Variants in INCENP observed in about 807,000 individuals in gnomAD.
The protein encoded by INCENP is binds and activates aurora-B and -C in vivo and in vitro.
INCENP carries 43 observed loss-of-function variants against 107.3 expected under a neutral mutation model. The observed-to-expected ratio is 0.40, with a 90% CI of 0.31 to 0.52. The LOEUF (loss-of-function observed/expected upper bound fraction) is 0.52, where lower values mean the gene tolerates loss of function less well. Among genes scored for constraint, INCENP ranks in the 20% least tolerant of loss-of-function variants. INCENP has a pLI of 0.53. For synonymous variants in INCENP, 488 were observed against 494.4 expected, an observed-to-expected ratio of 0.99 and a Z score of 0.17; for missense variants, 1,089 against 1,250.9, an observed-to-expected ratio of 0.87 and a Z score of 1.95.
At chr11:62,133,378 G>C (rs1321678007) in intron 4 of INCENP, among the ~76,000 whole-genome samples, 1 of 152,230 alleles carries the variant, frequency 6.6e-6, no homozygotes, top group Non-Finnish European at 1.5e-5. Flanking sequence ...GTGGCCCCGG[G>C]GCGTGGAACT....
intron 13 of INCENP, 88 bp downstream of exon 13, chr11:62,145,377 A>C: frequency 6.4e-7 from 1 of 1,571,456 alleles, no homozygotes. Flanking sequence ...CAGATTTGTC[A>C]CTGTACCCCT....
At position 62,129,599 on chromosome 11, in the gene INCENP, T is replaced by C. The variant is rs546471252; in HGVS notation, c.255-183T>C. ...ATCCCCAATTTACAGTTAGGAAGAC[T>C]GCGGCTCAGACAAGAATGGCCTGGG... is the stretch of plus-strand genomic sequence containing the variant. On this transcript the variant is annotated intron_variant, in intron 3 of 18. Coordinates refer to ENST00000394818, the MANE Select transcript of INCENP (RefSeq NM_001040694.2). Among the ~76,000 whole-genome samples the C allele has an allele frequency of 2.6e-5, 4 of 152,312 alleles. No individual in the cohort carries two copies. In the East Asian group the frequency reaches 7.7e-4, roughly 29 times the overall value.
In INCENP at chr11:62,130,200, G is replaced by A; in HGVS notation, c.673G>A (p.Ala225Thr). 1 of 1,613,898 alleles carries A rather than the reference G, an allele frequency of 6.2e-7. No homozygotes were observed. The highest frequency in any genetic ancestry group is 8.5e-7 in the Non-Finnish European group (1 of 1,180,014). The change falls in exon 4 of 19, where the codon GCC (alanine) becomes ACC (threonine). Residue 225 changes from alanine (A) to threonine (T), a missense_variant. Physicochemically the swap from Ala to Thr is moderately conservative, Grantham distance 58. Coordinates refer to ENST00000394818, the MANE Select transcript of INCENP (RefSeq NM_001040694.2). ...GGAATCAACACCTAAGAAGTCGAAG[G>A]CCAGGATACTGGAGTCCATCACAGT... is the stretch of plus-strand genomic sequence containing the variant. ...DEESTPKKSK[A>T]RILESITVSS...
At chr11:62,141,367 G>A in intron 10 of INCENP, 133 bp from the exon 11 acceptor site, 2 of 1,141,732 alleles carry the variant, frequency 1.8e-6, no homozygotes, top group South Asian at 1.3e-5. Context: ...TGACAGGAGA[G>A]GCGGTGGGGG....
intron 8 of INCENP, among the ~76,000 whole-genome samples, chr11:62,140,494 C>T (rs551076181): frequency 3.3e-5 from 5 of 152,322 alleles, no homozygotes; most frequent in Admixed American, 2.0e-4. Flanking sequence ...TTGTTGACCC[C>T]GTCTTAGTGT....
chr11:62,138,047 G>A, intron 5 of INCENP, 164 bp downstream of exon 5: 1 of 664,144 alleles, frequency 1.5e-6, no homozygotes, highest in Admixed American at 2.3e-5. Context: ...AGTGAGTGAT[G>A]TGGGTGTTGG....
At position 62,140,954 on chromosome 11, in the gene INCENP, G is replaced by T. The variant is rs1265240012; in HGVS notation, c.1503G>T (p.Arg501Ser). The change falls in exon 10 of 19, where the codon AGG becomes AGT. Residue 501 changes from arginine (R) to serine (S), a missense_variant. Arg to Ser is a moderately radical substitution (Grantham distance 110). Coordinates refer to ENST00000394818, the MANE Select transcript of INCENP (RefSeq NM_001040694.2). ...GGACCTTTCTGCACACAGTGCAGAG[G>T]AACCAGATGCTCATGACCCCGACCT... is the stretch of plus-strand genomic sequence containing the variant. ...PLRTFLHTVQ[R>S]NQMLMTPTSA... The T allele has an allele frequency of 6.2e-7, 1 of 1,614,208 alleles. No individual in the cohort carries two copies. The highest frequency in any genetic ancestry group is 8.5e-7 in the Non-Finnish European group (1 of 1,180,014).
At chr11:62,141,310 G>A (rs542877387) in intron 10 of INCENP, among the ~76,000 whole-genome samples, 190 bp from the exon 11 acceptor site, 1 of 152,276 alleles carries the variant, frequency 6.6e-6, no homozygotes, top group African/African-American at 2.4e-5. Flanking sequence ...GTGTAGTTAA[G>A]GTGAGAGGTA....
At position 62,128,170 on chromosome 11, in the gene INCENP, G is replaced by A. The variant is rs750181207; in HGVS notation, c.9G>A (p.Thr3=). 4.3e-6 allele frequency: 7 copies of A among 1,614,116 alleles called. No individual in the cohort carries two copies. Among genetic ancestry groups the A allele is most frequent in the African/African-American group, 1.3e-5 (1 of 75,038 alleles). The part of the protein sequence containing the change: MG[T]TAPGPIHLLE... ...CACCAGACAGAGCCACCATGGGGAC[G>A]ACGGCCCCAGGGCCCATTCACCTGC... The change falls in exon 2 of 19, where the codon ACG becomes ACA. Residue 3 remains threonine (T), a synonymous_variant. Transcript: ENST00000394818.
In INCENP at chr11:62,150,170, G is replaced by C. The variant is rs1944343983; in HGVS notation, c.2505G>C (p.Glu835Asp). The C allele has an allele frequency of 6.2e-7, 1 of 1,613,922 alleles. No homozygotes were observed. Among genetic ancestry groups the C allele is most frequent in the South Asian group, 1.1e-5 (1 of 91,082 alleles). ...DLNSDDSTDD[E>D]AHPRKPIPTW... ...ATAGCGACGACTCCACCGATGATGA[G>C]GCCCATCCCCGGAAGCCCATCCCCA... The change falls in exon 18 of 19, where the codon GAG (glutamate) becomes GAC (aspartate). Residue 835 changes from glutamate (E) to aspartate (D), a missense_variant. By Grantham distance (45) the Glu-to-Asp change is conservative (BLOSUM62 2). Transcript: ENST00000394818.
chr11:62,144,062 T>C (rs1003125212), intron 11 of INCENP, among the ~76,000 whole-genome samples: 3 of 152,222 alleles, frequency 2.0e-5, no homozygotes, highest in South Asian at 2.1e-4. Context: ...CTGGGTGTGG[T>C]AGCTCACACC....
chr11:62,132,873 T>A (rs1299726751), intron 4 of INCENP, among the ~76,000 whole-genome samples: 1 of 152,194 alleles, frequency 6.6e-6, no homozygotes. Context: ...CTGGGTGACC[T>A]TGGGCACACC....
rs889951825 is a variant in INCENP, at chr11:62,141,035, G to A, written c.1584G>A (p.Met528Ile). ...TTAAGCGCAACACTCCCCTGCGCAT[G>A]GACCCCAAGGTGAGGGGCCTGTGCC... is the stretch of plus-strand genomic sequence containing the variant. ...SFIKRNTPLR[M>I]DPKCSFVEKE... The change falls in exon 10 of 19, where the codon ATG becomes ATA. Residue 528 changes from methionine to isoleucine, a missense_variant. By Grantham distance (10) the Met-to-Ile change is conservative. Transcript: ENST00000394818. 5.0e-6 allele frequency: 8 copies of A among 1,613,422 alleles called. No homozygotes were observed. The Middle Eastern group carries it at 6.6e-4, about 133-fold the overall frequency.
chr11:62,148,562 G>A lies in INCENP; in HGVS notation c.2283+8G>A, dbSNP rs747910242. ...GAGGAGAAGAAGAAGAAGGTGAGGG[G>A]AGCTGGGTTGCGGGCTCCCCTGGGG... is the stretch of plus-strand genomic sequence containing the variant. On this transcript the variant is annotated splice_region_variant and intron_variant, in intron 16 of 18. Coordinates refer to ENST00000394818, the MANE Select transcript of INCENP (RefSeq NM_001040694.2). 12 of 1,599,712 alleles carry A rather than the reference G, an allele frequency of 7.5e-6. No homozygotes were observed. The East Asian group carries it at 2.5e-4, about 33-fold the overall frequency.
At position 62,145,269 on chromosome 11, in the gene INCENP, A is replaced by G. The variant is rs1010221443; in HGVS notation, c.1816A>G (p.Ile606Val). 1 of 1,614,032 alleles carries G rather than the reference A, an allele frequency of 6.2e-7. No individual in the cohort carries two copies. The highest frequency in any genetic ancestry group is 1.3e-5 in the African/African-American group (1 of 75,074). Residue 606 changes from isoleucine (I) to valine (V), a missense_variant, in exon 13 of 19, where the codon ATC becomes GTC. Transcript: ENST00000394818. Reference sequence around the variant, plus strand: ...GCAGATTGAGCAGAAGTTTGCTCAGATCGACGAGAAGACTGAGAAGGTGGG... The same window carrying G: ...GCAGATTGAGCAGAAGTTTGCTCAGGTCGACGAGAAGACTGAGAAGGTGGG... ...KKQIEQKFAQ[I>V]DEKTEKAKEE... is the part of the protein sequence containing the mutation.
At position 62,130,048 on chromosome 11, in the gene INCENP, G is replaced by T. The variant is rs1270537810; in HGVS notation, c.521G>T (p.Ser174Ile). The T allele has an allele frequency of 6.2e-7, 1 of 1,613,904 alleles. No homozygotes were observed. The highest frequency in any genetic ancestry group is 8.5e-7 in the Non-Finnish European group (1 of 1,180,026). ...GTGCCTGTGGTGGAGATCGGCATCA[G>T]TGAGCGCCAGAATGCTGAGCAGCAT... is the stretch of plus-strand genomic sequence containing the variant. Reference protein sequence around the residue: ...QLVPVVEIGISERQNAEQHVT... With the variant: ...QLVPVVEIGIIERQNAEQHVT... Residue 174 changes from serine to isoleucine, a missense_variant, in exon 4 of 19, where the codon AGT (serine) becomes ATT (isoleucine). Transcript: ENST00000394818.
At chr11:62,136,354 G>A (rs1943993682) in intron 4 of INCENP, among the ~76,000 whole-genome samples, 2 of 152,188 alleles carry the variant, frequency 1.3e-5, no homozygotes, top group South Asian at 4.1e-4. Flanking sequence ...ACACAGAAGA[G>A]TAGAATGGCA....
chr11:62,148,311 C>G (rs146422010), intron 15 of INCENP, among the ~76,000 whole-genome samples, 165 bp from the exon 16 acceptor site: 2 of 152,192 alleles, frequency 1.3e-5, no homozygotes, highest in African/African-American at 4.8e-5. Context: ...CTTCTAGCCC[C>G]GGGGCAAAAG....
In INCENP at chr11:62,138,754, C is replaced by A. The variant is rs930590623; in HGVS notation, c.1157C>A (p.Ala386Glu). The part of the protein sequence containing the change: ...KEPPEEAEPV[A>E]AAEPEVPENN... ...CCCCCCGAGGAGGCTGAGCCTGTGG[C>A]GGCAGCTGAGCCAGAGGTAAGACGG... The change falls in exon 6 of 19, where the codon GCG becomes GAG. Residue 386 changes from alanine (A) to glutamate (E), a missense_variant. Physicochemically the swap from Ala to Glu is moderately radical, Grantham distance 107. Transcript: ENST00000394818. 3 of 1,614,074 alleles carry A rather than the reference C, an allele frequency of 1.9e-6. No individual in the cohort carries two copies. The highest frequency in any genetic ancestry group is 1.7e-6 in the Non-Finnish European group (2 of 1,179,982).
Sources: allele counts gnomAD v4.1 joint callset (sites outside exome capture counted in the v4.1 genomes callset), GRCh38; gene constraint gnomAD v4.1.1; transcripts MANE v1.5; gene names NCBI Gene and HGNC (gene_info 2026-07-23, HGNC 2026-07-21).